The following BICC1 variants were observed in gnomAD, a reference collection of about 807,000 sequenced individuals.
BICC1 encodes the protein protein bicaudal C homolog 1.
Under a neutral mutation model 111.0 loss-of-function variants are expected in BICC1, and 43 were observed. That is an observed-to-expected ratio of 0.39 (90% CI 0.30 to 0.50). The LOEUF is 0.50. BICC1 is among the 20% of genes least tolerant of loss of function. BICC1 has a pLI of 0.88. For missense variants in BICC1, 1,091 were observed against 1,203.2 expected (o/e 0.91, Z 1.38); for synonymous variants, 467 against 434.4 (o/e 1.07, Z -0.93).
Position 58,776,760 on chromosome 10 carries a change from T to C in BICC1, c.308-8241T>C, listed in dbSNP as rs77501077. 6.6e-3 allele frequency among the ~76,000 whole-genome samples: 999 copies of C among 152,320 alleles called. 12 individuals carry two copies. The highest frequency in any genetic ancestry group is 0.023 in the African/African-American group (944 of 41,574). ...ACCCATGCTTTCTGTAGAACTGTTA[T>C]ATACAAACCATTCTAATGATTCCAG... is the stretch of plus-strand genomic sequence containing the variant. On this transcript the variant is annotated intron_variant, in intron 3 of 20. Coordinates refer to ENST00000373886, the MANE Select transcript of BICC1 (RefSeq NM_001080512.3).
At chr10:58,647,349 T>C in intron 2 of BICC1, among the ~76,000 whole-genome samples, 1 of 152,300 alleles carries the variant, frequency 6.6e-6, no homozygotes, top group East Asian at 1.9e-4. Flanking sequence ...ACATTGAAAG[T>C]GTATTATTTT....
Position 58,600,428 on chromosome 10 carries a change from C to G in BICC1, c.191-20427C>G, listed in dbSNP as rs7899985. Among the ~76,000 whole-genome samples, 253 of 152,076 alleles carry G rather than the reference C, an allele frequency of 1.7e-3. 1 individual carries two copies. Among genetic ancestry groups the G allele is most frequent in the Admixed American group, 3.7e-3 (57 of 15,250 alleles). ...CAGAGCTATGGGGAGAAGCTGTACA[C>G]GACTTACTGGAAGGTAAGCATTCAG... On this transcript the variant is annotated intron_variant, in intron 1 of 20. Transcript: ENST00000373886.
chr10:58,611,531 A>C (rs987080087), intron 1 of BICC1, among the ~76,000 whole-genome samples: 7 of 150,816 alleles, frequency 4.6e-5, no homozygotes, highest in Admixed American at 1.3e-4. Flanking sequence ...GCTGGAGTAC[A>C]GTGTCATGAT....
chr10:58,579,967 C>G (rs914956636), intron 1 of BICC1, among the ~76,000 whole-genome samples: 2 of 105,848 alleles, frequency 1.9e-5, no homozygotes, highest in Non-Finnish European at 4.6e-5. Context: ...ACATTTTGCC[C>G]TAAATTTTTT....
chr10:58,789,556 C>A, intron 7 of BICC1, 100 bp downstream of exon 7: 1 of 1,504,034 alleles, frequency 6.6e-7, no homozygotes, highest in Non-Finnish European at 9.0e-7. Flanking sequence ...AATTTTCCTT[C>A]GTTCTACATT....
intron 3 of BICC1, among the ~76,000 whole-genome samples, chr10:58,711,628 C>T (rs1057495584): frequency 6.6e-6 from 1 of 152,186 alleles, no homozygotes; most frequent in Admixed American, 6.5e-5. Context: ...CCGCCTTCTT[C>T]TCTTCTGAAG....
At chr10:58,685,777 G>T (rs1404068438) in intron 2 of BICC1, among the ~76,000 whole-genome samples, 1 of 152,098 alleles carries the variant, frequency 6.6e-6, no homozygotes, top group Non-Finnish European at 1.5e-5. Flanking sequence ...CATGAGATGG[G>T]TCTCCTGAAT....
chr10:58,681,802 G>A (rs542266834), intron 2 of BICC1, among the ~76,000 whole-genome samples: 2 of 151,230 alleles, frequency 1.3e-5, no homozygotes, highest in East Asian at 1.9e-4. Flanking sequence ...CGGTGGTTTC[G>A]TGGTCTTGCT....
At chr10:58,614,311 A>G (rs931462736) in intron 1 of BICC1, among the ~76,000 whole-genome samples, 1 of 152,088 alleles carries the variant, frequency 6.6e-6, no homozygotes. Flanking sequence ...AATGATTGGG[A>G]CTCAACACCG....
At chr10:58,528,933 T>C (rs1842614156) in intron 1 of BICC1, among the ~76,000 whole-genome samples, 1 of 151,884 alleles carries the variant, frequency 6.6e-6, no homozygotes, top group South Asian at 2.1e-4. Flanking sequence ...GGAAATGTGG[T>C]AGAAAGAGAG....
At chr10:58,524,764 G>C (rs1299246863) in intron 1 of BICC1, among the ~76,000 whole-genome samples, 1 of 152,078 alleles carries the variant, frequency 6.6e-6, no homozygotes, top group Non-Finnish European at 1.5e-5. Flanking sequence ...TACCATCAGA[G>C]TGAACAGGCA....
At chr10:58,741,002 A>G (rs1841644577) in intron 3 of BICC1, among the ~76,000 whole-genome samples, 1 of 152,218 alleles carries the variant, frequency 6.6e-6, no homozygotes, top group African/African-American at 2.4e-5. Flanking sequence ...GAACCGTGAA[A>G]GAGTGGTTTC....
intron 20 of BICC1, chr10:58,823,393 T>G: frequency 1.0e-6 from 1 of 985,126 alleles, no homozygotes; most frequent in Non-Finnish European, 1.2e-6. Flanking sequence ...ACAGCAATTC[T>G]AAAGTCTCTT....
At chr10:58,733,028 A>AT (rs1307957108) in intron 3 of BICC1, among the ~76,000 whole-genome samples, 1 of 151,732 alleles carries the variant, frequency 6.6e-6, no homozygotes, top group Non-Finnish European at 1.5e-5. Flanking sequence ...TTGTTTAAAA[A>AT]AAAAGCCCCC....
intron 1 of BICC1, among the ~76,000 whole-genome samples, chr10:58,604,387 C>T (rs1262693554): frequency 3.3e-5 from 5 of 152,022 alleles, no homozygotes; most frequent in African/African-American, 9.7e-5. Context: ...AAAAATTAAG[C>T]GGCTGGGCGT....
chr10:58,573,787 C>T (rs142253913), intron 1 of BICC1, among the ~76,000 whole-genome samples: 8 of 152,090 alleles, frequency 5.3e-5, no homozygotes, highest in South Asian at 4.2e-4. Context: ...GTTCAAGCAG[C>T]GTGATTGACT....
intron 10 of BICC1, 115 bp from the exon 11 acceptor site, chr10:58,798,284 T>G (rs1437980615): frequency 3.5e-5 from 28 of 806,798 alleles, no homozygotes; most frequent in Non-Finnish European, 5.0e-5. Flanking sequence ...CCATATTTTA[T>G]ATTTAGAAAA....
At chr10:58,538,497 A>C (rs1842881045) in intron 1 of BICC1, among the ~76,000 whole-genome samples, 1 of 151,944 alleles carries the variant, frequency 6.6e-6, no homozygotes, top group South Asian at 2.1e-4. Context: ...TAAATCTAAG[A>C]CCTGAAACCA....
At chr10:58,695,660 G>A (rs1840046466) in intron 2 of BICC1, among the ~76,000 whole-genome samples, 1 of 152,150 alleles carries the variant, frequency 6.6e-6, no homozygotes, top group Admixed American at 6.6e-5. Flanking sequence ...CGAAGAATTT[G>A]GTGAAATAAG....
Sources: allele counts gnomAD v4.1 joint callset (sites outside exome capture counted in the v4.1 genomes callset), GRCh38; gene constraint gnomAD v4.1.1; transcripts MANE v1.5; gene names NCBI Gene and HGNC (gene_info 2026-07-23, HGNC 2026-07-21).